Variants in KCNH8 observed in about 807,000 individuals in gnomAD.
KCNH8 encodes the protein potassium voltage-gated channel subfamily H member 8.
A neutral mutation model predicts 103.6 loss-of-function variants in KCNH8; 70 were observed. The ratio of observed to expected loss-of-function variants is 0.68; its 90% CI spans 0.56 to 0.82. KCNH8 has a LOEUF of 0.82. Among genes scored for constraint, KCNH8 ranks in the 40% least tolerant of loss-of-function variants. The probability of loss-of-function intolerance (pLI) is 0.00; values close to 1 mark genes in which losing one functional copy is unlikely to be tolerated. For missense variants in KCNH8, 1,217 were observed against 1,329.9 expected, an observed-to-expected ratio of 0.92 and a Z score of 1.32; for synonymous variants, 498 against 489.4, an observed-to-expected ratio of 1.02 and a Z score of -0.23.
chr3:19,316,328 T>C (rs1024061409), intron 3 of KCNH8, among the ~76,000 whole-genome samples: 1 of 151,972 alleles, frequency 6.6e-6, no homozygotes, highest in Middle Eastern at 3.4e-3. Flanking sequence ...CAAAACTATC[T>C]CCAGACATTG....
intron 3 of KCNH8, among the ~76,000 whole-genome samples, chr3:19,298,060 G>A (rs908834048): frequency 6.6e-6 from 1 of 152,180 alleles, no homozygotes; most frequent in Non-Finnish European, 1.5e-5. Context: ...AAAATATAAA[G>A]TTTTAATAGG....
intron 8 of KCNH8, among the ~76,000 whole-genome samples, chr3:19,440,432 G>A (rs2067265598): frequency 6.6e-6 from 1 of 152,190 alleles, no homozygotes. Context: ...ACATGGCTGG[G>A]GAGGCCTCAC....
At position 19,343,600 on chromosome 3, in the gene KCNH8, A is replaced by G. The variant is rs187683074; in HGVS notation, c.570+886A>G. Among the ~76,000 whole-genome samples, 1,225 of 152,212 alleles carry G rather than the reference A, an allele frequency of 8.0e-3. 46 individuals carry two copies. Among genetic ancestry groups the G allele is most frequent in the Admixed American group, 7.9e-3 (121 of 15,258 alleles). On this transcript the variant is annotated intron_variant, in intron 4 of 15. Coordinates refer to ENST00000328405, the MANE Select transcript of KCNH8 (RefSeq NM_144633.3). The stretch of plus-strand genomic sequence containing the variant: ...CAGCATCTAACTTGCCAATGACAAG[A>G]AAAAGTCACATGAAACAACCAGATC...
chr3:19,291,212 T>G (rs1004967946), intron 3 of KCNH8, among the ~76,000 whole-genome samples: 4 of 152,204 alleles, frequency 2.6e-5, no homozygotes, highest in African/African-American at 9.6e-5. Context: ...ATTCATTGAT[T>G]TTTTGAAGGG....
intron 5 of KCNH8, among the ~76,000 whole-genome samples, chr3:19,362,774 T>G (rs1263952929): frequency 6.6e-6 from 1 of 152,130 alleles, no homozygotes; most frequent in Non-Finnish European, 1.5e-5. Context: ...TGCTCCTACC[T>G]CAGCCTCCCA....
At chr3:19,516,748 C>T (rs1291044603) in intron 14 of KCNH8, among the ~76,000 whole-genome samples, 1 of 151,998 alleles carries the variant, frequency 6.6e-6, no homozygotes. Flanking sequence ...TTAGTTCCCT[C>T]TAAGACTTTC....
At chr3:19,211,573 A>T (rs1166226403) in intron 1 of KCNH8, among the ~76,000 whole-genome samples, 6 of 151,966 alleles carry the variant, frequency 3.9e-5, no homozygotes, top group East Asian at 1.9e-4. Context: ...TCTCTTCAAA[A>T]TTTTTTTTAC....
chr3:19,458,969 T>C (rs1013497410), intron 11 of KCNH8, among the ~76,000 whole-genome samples: 1 of 152,050 alleles, frequency 6.6e-6, no homozygotes, highest in Non-Finnish European at 1.5e-5. Flanking sequence ...ATTGTGTATG[T>C]ATACCACATT....
At chr3:19,331,384 C>T (rs1221667486) in intron 3 of KCNH8, among the ~76,000 whole-genome samples, 1 of 151,794 alleles carries the variant, frequency 6.6e-6, no homozygotes, top group Non-Finnish European at 1.5e-5. Flanking sequence ...CTCCGCCTCC[C>T]AGGTTCAAGT....
chr3:19,230,079 A>AAAGGGGAACTTTATC (rs2063976973), intron 1 of KCNH8, among the ~76,000 whole-genome samples: 1 of 152,174 alleles, frequency 6.6e-6, no homozygotes, highest in Non-Finnish European at 1.5e-5. Flanking sequence ...GGAAGTTGCA[A>AAAGGGGAACTTTATC]AAGGGGAAAC....
intron 11 of KCNH8, among the ~76,000 whole-genome samples, chr3:19,506,424 C>CCTG (rs1179121228): frequency 6.6e-6 from 1 of 152,134 alleles, no homozygotes; most frequent in African/African-American, 2.4e-5. Context: ...GAGTATATTA[C>CCTG]CAAAAGTATT....
intron 14 of KCNH8, among the ~76,000 whole-genome samples, chr3:19,517,295 A>G (rs1289112833): frequency 1.1e-4 from 16 of 152,012 alleles, no homozygotes; most frequent in Admixed American, 1.0e-3. Flanking sequence ...TTATTACTCT[A>G]TTTCAGACTG....
chr3:19,471,474 G>C (rs550444939), intron 11 of KCNH8, among the ~76,000 whole-genome samples: 217 of 152,232 alleles, frequency 1.4e-3, no homozygotes, highest in African/African-American at 4.9e-3. Context: ...TGCAGGCTGG[G>C]TTAACAAAGC....
intron 2 of KCNH8, among the ~76,000 whole-genome samples, chr3:19,265,046 A>G (rs2064488893): frequency 6.6e-6 from 1 of 152,062 alleles, no homozygotes; most frequent in South Asian, 2.1e-4. Context: ...GGCACTATAC[A>G]TACCCCTTGG....
At position 19,281,182 on chromosome 3, in the gene KCNH8, T is replaced by G; in HGVS notation, c.311-16T>G. ...GGCAATGGTTGATTTGTATTTTTTTTTCTTTACTGTTGCAGGGTCTCCATT... is the reference window on the plus strand; with the variant it reads ...GGCAATGGTTGATTTGTATTTTTTTGTCTTTACTGTTGCAGGGTCTCCATT... On this transcript the variant is annotated splice_polypyrimidine_tract_variant and intron_variant, in intron 2 of 15. Coordinates refer to ENST00000328405, the MANE Select transcript of KCNH8 (RefSeq NM_144633.3). 6.2e-7 allele frequency: 1 copy of G among 1,602,676 alleles called. No individual in the cohort carries two copies. Among genetic ancestry groups the G allele is most frequent in the Non-Finnish European group, 8.5e-7 (1 of 1,175,356 alleles).
chr3:19,443,321 A>G (rs2067309318), intron 8 of KCNH8, among the ~76,000 whole-genome samples: 1 of 150,976 alleles, frequency 6.6e-6, no homozygotes, highest in Non-Finnish European at 1.5e-5. Context: ...TCCACCTAGG[A>G]GTCCTCTGGG....
intron 5 of KCNH8, among the ~76,000 whole-genome samples, chr3:19,388,655 A>C (rs1412827394): frequency 6.6e-6 from 1 of 152,102 alleles, no homozygotes; most frequent in Admixed American, 6.6e-5. Flanking sequence ...TCAATAATTC[A>C]GTTTTTAAAA....
chr3:19,505,672 A>C (rs1318644474), intron 11 of KCNH8, among the ~76,000 whole-genome samples: 2 of 151,976 alleles, frequency 1.3e-5, no homozygotes, highest in Non-Finnish European at 2.9e-5. Context: ...ATTTCACTGG[A>C]GTTCTCTGCA....
At chr3:19,366,169 A>G (rs2066008434) in intron 5 of KCNH8, among the ~76,000 whole-genome samples, 1 of 152,040 alleles carries the variant, frequency 6.6e-6, no homozygotes, top group African/African-American at 2.4e-5. Flanking sequence ...CTGCTTTCTG[A>G]ATTTTTTATA....
Sources: allele counts gnomAD v4.1 joint callset (sites outside exome capture counted in the v4.1 genomes callset), GRCh38; gene constraint gnomAD v4.1.1; transcripts MANE v1.5; gene names NCBI Gene and HGNC (gene_info 2026-07-23, HGNC 2026-07-21).